The following ARHGEF7 variants were observed in gnomAD, a reference collection of about 807,000 sequenced individuals.
ARHGEF7 encodes PAK-interacting exchange factor beta.
A neutral mutation model predicts 109.8 loss-of-function variants in ARHGEF7; 33 were observed. The ratio of observed to expected loss-of-function variants is 0.30; its 90% CI spans 0.23 to 0.40. The LOEUF is 0.40. Among genes scored for constraint, ARHGEF7 ranks in the 10% least tolerant of loss-of-function variants. The probability of loss-of-function intolerance (pLI) is 1.00; values close to 1 mark genes in which losing one functional copy is unlikely to be tolerated. For missense variants in ARHGEF7, 938 were observed against 1,098.5 expected (o/e 0.85, Z 2.07); for synonymous variants, 458 against 424.6 (o/e 1.08, Z -0.97).
intron 18 of ARHGEF7, among the ~76,000 whole-genome samples, chr13:111,289,876 A>C (rs1331832131): frequency 6.6e-6 from 1 of 152,206 alleles, no homozygotes; most frequent in African/African-American, 2.4e-5. Context: ...GCCAAGGGTC[A>C]ACACTGTTGG....
At chr13:111,265,057 G>C (rs2091477716) in intron 8 of ARHGEF7, among the ~76,000 whole-genome samples, 1 of 149,364 alleles carries the variant, frequency 6.7e-6, no homozygotes, top group Non-Finnish European at 1.5e-5. Flanking sequence ...CGGGAAGGCG[G>C]AGGTTGCAGT....
At chr13:111,210,433 C>T (rs1353631198) in intron 4 of ARHGEF7, among the ~76,000 whole-genome samples, 1 of 152,168 alleles carries the variant, frequency 6.6e-6, no homozygotes, top group African/African-American at 2.4e-5. Flanking sequence ...GAAAGCATGG[C>T]TTAGTGTGCT....
At position 111,283,238 on chromosome 13, in the gene ARHGEF7, G is replaced by A. The variant is rs1595510429; in HGVS notation, c.1825G>A (p.Gly609Ser). The A allele has an allele frequency of 6.3e-6, 10 of 1,577,962 alleles. No individual in the cohort carries two copies. The highest frequency in any genetic ancestry group is 3.4e-5 in the South Asian group (3 of 87,616). The part of the protein sequence containing the change: ...YHTLPHPSHH[G>S]TPHTTINWGP... ...CACGCTGCCCCACCCCTCCCACCACGGCACCCCGCACACCACCATCAACTG... is the reference window on the plus strand; with the variant it reads ...CACGCTGCCCCACCCCTCCCACCACAGCACCCCGCACACCACCATCAACTG... Residue 609 changes from glycine to serine, a missense_variant, in exon 16 of 22, where the codon GGC (glycine) becomes AGC (serine). This residue lies in a region of ARHGEF7 where 585 missense variants were observed against 723.6 expected (regional missense o/e 0.81). Transcript: ENST00000646102.
intron 16 of ARHGEF7, among the ~76,000 whole-genome samples, chr13:111,284,484 A>G (rs985099319): frequency 6.6e-6 from 1 of 152,156 alleles, no homozygotes; most frequent in African/African-American, 2.4e-5. Context: ...CTTATTGTAT[A>G]CTTTAGTGTG....
intron 2 of ARHGEF7, chr13:111,185,086 C>T (rs565330303): frequency 6.6e-6 from 1 of 152,254 alleles, no homozygotes; most frequent in East Asian, 1.9e-4. Context: ...GTGCAGGCCG[C>T]AGGCTTCTCT....
chr13:111,275,560 A>G lies in ARHGEF7; in HGVS notation c.1301A>G (p.Lys434Arg). Reference sequence around the variant, plus strand: ...CAATGTCAAGAAGTCCGGAAGAGGAAAGAGCTTGAGCTGCAGATCCTGACG... The same window carrying G: ...CAATGTCAAGAAGTCCGGAAGAGGAGAGAGCTTGAGCTGCAGATCCTGACG... ...SAQCQEVRKR[K>R]ELELQILTEA... The change falls in exon 12 of 22, where the codon AAA becomes AGA. Residue 434 changes from lysine (K) to arginine (R), a missense_variant. Transcript: ENST00000646102. 1 of 1,614,034 alleles carries G rather than the reference A, an allele frequency of 6.2e-7. No homozygotes were observed. Among genetic ancestry groups the G allele is most frequent in the Non-Finnish European group, 8.5e-7 (1 of 1,179,936 alleles).
intron 3 of ARHGEF7, among the ~76,000 whole-genome samples, chr13:111,208,720 A>G (rs542668993): frequency 4.4e-4 from 67 of 152,184 alleles, no homozygotes; most frequent in African/African-American, 1.5e-3. Context: ...TGCTCTATAG[A>G]GATTACTCGT....
intron 2 of ARHGEF7, among the ~76,000 whole-genome samples, chr13:111,183,468 C>T (rs986618669): frequency 1.3e-5 from 2 of 151,928 alleles, no homozygotes; most frequent in Non-Finnish European, 2.9e-5. Context: ...TGGGGTCTAC[C>T]CTCAGGTCTC....
chr13:111,186,042 T>C (rs2079223510), intron 2 of ARHGEF7, among the ~76,000 whole-genome samples: 1 of 151,072 alleles, frequency 6.6e-6, no homozygotes, highest in Non-Finnish European at 1.5e-5. Context: ...TGGCATGCAG[T>C]CTACACTGAG....
Position 111,293,245 on chromosome 13 carries a change from C to T in ARHGEF7, c.2311+951C>T, listed in dbSNP as rs1040532786. 1.3e-5 allele frequency: 13 copies of T among 985,308 alleles called. No individual in the cohort carries two copies. The South Asian group carries it at 5.6e-4, about 43-fold the overall frequency. The allele number at this position is 985,308 out of a possible 1,614,324, so 61.0% of individuals were successfully genotyped here. A position where few individuals can be genotyped will look rare whatever the true frequency, so the allele number is the denominator to read the frequency against. ...AGTCAAGTGCTGTGGCTTCAGTTCC[C>T]CCGGCTCCCCACCCCTGACATCCAT... On this transcript the variant is annotated intron_variant, in intron 19 of 21. Transcript: ENST00000646102.
chr13:111,116,375 C>G (rs1453920716), intron 1 of ARHGEF7: 2 of 152,712 alleles, frequency 1.3e-5, no homozygotes, highest in Non-Finnish European at 2.9e-5. Context: ...CACTGCTTCT[C>G]CCTTCCGGCT....
chr13:111,295,291 AG>A (rs1168016314), intron 19 of ARHGEF7: 1 of 762,304 alleles, frequency 1.3e-6, no homozygotes, highest in Non-Finnish European at 1.6e-6. Flanking sequence ...CATCTTCCAA[AG>A]GCAGGCAGGT....
intron 1 of ARHGEF7, among the ~76,000 whole-genome samples, chr13:111,137,695 GAA>G (rs1264375395): frequency 6.6e-6 from 1 of 152,100 alleles, no homozygotes; most frequent in Non-Finnish European, 1.5e-5. Context: ...AAATAAAAAA[GAA>G]TATGTTTTTT....
intron 21 of ARHGEF7, among the ~76,000 whole-genome samples, chr13:111,302,447 A>G (rs2093590402): frequency 6.6e-6 from 1 of 152,238 alleles, no homozygotes; most frequent in Admixed American, 6.5e-5. Flanking sequence ...CATTCTAAGC[A>G]GTGTCCGCAG....
intron 1 of ARHGEF7, among the ~76,000 whole-genome samples, chr13:111,133,179 GTGTA>G (rs899323169): frequency 4.6e-5 from 7 of 151,760 alleles, no homozygotes; most frequent in South Asian, 4.2e-4. Context: ...ATATGTGCAC[GTGTA>G]TGTATGTGTA....
chr13:111,218,140 A>T (rs551995572), intron 5 of ARHGEF7, among the ~76,000 whole-genome samples: 20 of 151,282 alleles, frequency 1.3e-4, no homozygotes, highest in African/African-American at 3.6e-4. Context: ...AATCTTTATC[A>T]TTGCAGTTTT....
rs1201283134 is a variant in ARHGEF7 at position 111,221,399 on chromosome 13, ATC to A, written c.670+3521_670+3522del. 6.1e-4 allele frequency among the ~76,000 whole-genome samples: 22 copies of A among 35,936 alleles called. 5 individuals carry two copies. Among genetic ancestry groups the A allele is most frequent in the Non-Finnish European group, 1.0e-3 (18 of 17,600 alleles). The allele number at this position is 35,936 out of a possible 152,430, so 23.6% of individuals were successfully genotyped here. Reference sequence around the variant, plus strand: ...TATCTATATATATAGATGTCTATATATCTATATATATAGATGTCTATATATCT... The same window carrying A: ...TATCTATATATATAGATGTCTATATATATATATATAGATGTCTATATATCT... On this transcript the variant is annotated intron_variant, in intron 5 of 21. Coordinates refer to ENST00000646102, the MANE Select transcript of ARHGEF7 (RefSeq NM_001354046.2).
At chr13:111,137,216 A>T (rs140303786) in intron 1 of ARHGEF7, among the ~76,000 whole-genome samples, 2,083 of 152,354 alleles carry the variant, frequency 0.014, 65 homozygotes, top group African/African-American at 0.048. Context: ...ATCAATGGAA[A>T]AGAGAGAATC....
chr13:111,232,403 G>A (rs1793194250), intron 5 of ARHGEF7, among the ~76,000 whole-genome samples: 1 of 152,040 alleles, frequency 6.6e-6, no homozygotes, highest in Non-Finnish European at 1.5e-5. Context: ...CACCCACACT[G>A]TCCATAGAAC....
Sources: allele counts gnomAD v4.1 joint callset (sites outside exome capture counted in the v4.1 genomes callset), GRCh38; gene constraint gnomAD v4.1.1; regional missense constraint gnomAD v4.1.1; transcripts MANE v1.5; gene names NCBI Gene and HGNC (gene_info 2026-07-23, HGNC 2026-07-21).